UBE2K: variants seen among roughly 807,000 people sequenced by gnomAD.
UBE2K encodes the protein ubiquitin conjugating enzyme E2 K.
UBE2K carries 6 observed loss-of-function variants against 30.0 expected under a neutral mutation model. The ratio of observed to expected loss-of-function variants is 0.20; its 90% CI spans 0.11 to 0.39. UBE2K has a LOEUF of 0.39. Among genes scored for constraint, UBE2K ranks in the 10% least tolerant of loss-of-function variants. The probability of loss-of-function intolerance (pLI) is 1.00; values close to 1 mark genes in which losing one functional copy is unlikely to be tolerated. For synonymous variants in UBE2K, 86 were observed against 83.7 expected (o/e 1.03, Z -0.15); for missense variants, 61 against 241.6 (o/e 0.25, Z 4.96).
chr4:39,767,424 C>T (rs915455924), intron 4 of UBE2K, among the ~76,000 whole-genome samples: 5 of 151,806 alleles, frequency 3.3e-5, no homozygotes, highest in African/African-American at 9.7e-5. Context: ...CCCGGATTCA[C>T]GCCATTCTCC....
intron 1 of UBE2K, among the ~76,000 whole-genome samples, chr4:39,735,274 A>G (rs1470577173): frequency 6.6e-6 from 1 of 152,264 alleles, no homozygotes; most frequent in Non-Finnish European, 1.5e-5. Flanking sequence ...CAGTGGCACG[A>G]TCTTGGCTCA....
At chr4:39,771,018 C>T (rs1712774894) in intron 4 of UBE2K, 10 of 1,611,696 alleles carry the variant, frequency 6.2e-6, no homozygotes, top group African/African-American at 1.3e-5. Context: ...CAAGGCTAGC[C>T]TCACGGACCC....
intron 4 of UBE2K, among the ~76,000 whole-genome samples, chr4:39,762,934 CACTTTTTTTT>C (rs1712052533): frequency 1.7e-5 from 2 of 116,306 alleles, no homozygotes; most frequent in African/African-American, 5.8e-5. Context: ...GGCCAAAAAA[CACTTTTTTTT>C]TTTTTTTTTT....
In UBE2K at chr4:39,774,843, A is replaced by C; in HGVS notation, c.309A>C (p.Ala103=). The change falls in exon 5 of 7, where the codon GCA becomes GCC. Residue 103 remains alanine, a synonymous_variant. Coordinates refer to ENST00000261427, the MANE Select transcript of UBE2K (RefSeq NM_005339.5). ...LDILKDQWAA[A]MTLRTVLLSL... Reference sequence around the variant, plus strand: ...ATGTTTTGCATTTTAGGGCAGCTGCAATGACTCTCCGCACGGTATTATTGT... The same window carrying C: ...ATGTTTTGCATTTTAGGGCAGCTGCCATGACTCTCCGCACGGTATTATTGT... 6.6e-7 allele frequency: 1 copy of C among 1,513,196 alleles called. No individual in the cohort carries two copies. Among genetic ancestry groups the C allele is most frequent in the Non-Finnish European group, 8.9e-7 (1 of 1,117,886 alleles). 93.7% of individuals were successfully genotyped at this position (1,513,196 alleles called of 1,614,324 possible). A position where few individuals can be genotyped will look rare whatever the true frequency, so the allele number is the denominator to read the frequency against.
intron 4 of UBE2K, chr4:39,770,847 T>C: frequency 6.5e-7 from 1 of 1,540,414 alleles, no homozygotes; most frequent in Non-Finnish European, 8.7e-7. Flanking sequence ...ATCCTCATCC[T>C]CTTCCTCGGC....
chr4:39,763,451 A>G (rs1578493230), intron 4 of UBE2K, among the ~76,000 whole-genome samples: 1 of 151,842 alleles, frequency 6.6e-6, no homozygotes, highest in East Asian at 1.9e-4. Context: ...GGGTTTCTCC[A>G]TGTTGGTCAG....
intron 4 of UBE2K, among the ~76,000 whole-genome samples, chr4:39,763,963 C>G (rs1007462163): frequency 6.6e-6 from 1 of 152,144 alleles, no homozygotes. Flanking sequence ...AACTCCTGGG[C>G]TCAAGCGATC....
At chr4:39,700,592 G>A (rs954120532) in intron 1 of UBE2K, among the ~76,000 whole-genome samples, 8 of 152,144 alleles carry the variant, frequency 5.3e-5, no homozygotes, top group African/African-American at 1.7e-4. Flanking sequence ...TCAACTCATT[G>A]AAGACTTGTA....
chr4:39,721,430 T>C (rs1719412739), intron 1 of UBE2K, among the ~76,000 whole-genome samples: 1 of 152,180 alleles, frequency 6.6e-6, no homozygotes, highest in African/African-American at 2.4e-5. Context: ...CACAGCTCAC[T>C]GCGGCCTCAA....
In UBE2K at chr4:39,705,902, T is replaced by C. The variant is rs1316188455; in HGVS notation, c.63+7512T>C. 2.1e-5 allele frequency among the ~76,000 whole-genome samples: 3 copies of C among 144,748 alleles called. No homozygotes were observed. The East Asian group carries it at 6.5e-4, about 31-fold the overall frequency. The allele number at this position is 144,748 out of a possible 152,430, so 95.0% of individuals were successfully genotyped here. Reference sequence around the variant, plus strand: ...TCTCGCTTTGTCACCCAGGCTGGAGTGCAGTGGCGCGATCTCAGCTCACTG... The same window carrying C: ...TCTCGCTTTGTCACCCAGGCTGGAGCGCAGTGGCGCGATCTCAGCTCACTG... On this transcript the variant is annotated intron_variant, in intron 1 of 6. Transcript: ENST00000261427.
At chr4:39,763,027 C>T (rs140681399) in intron 4 of UBE2K, among the ~76,000 whole-genome samples, 6 of 149,458 alleles carry the variant, frequency 4.0e-5, no homozygotes, top group African/African-American at 7.4e-5. Flanking sequence ...CTCCACCTCC[C>T]GGGTTTAAGC....
chr4:39,714,551 T>TATATATATATA (rs1249612429), intron 1 of UBE2K: 2 of 28,462 alleles, frequency 7.0e-5, no homozygotes, highest in African/African-American at 2.0e-4. Context: ...TATATATATA[T>TATATATATATA]TTTTTTTTTT....
intron 1 of UBE2K, among the ~76,000 whole-genome samples, chr4:39,736,585 C>T (rs302949): frequency 0.83 from 125,644 of 152,258 alleles, 52,364 homozygotes; most frequent in African/African-American, 0.93. Flanking sequence ...CAGGCACTTA[C>T]GAATGTTAAT....
Position 39,698,193 on chromosome 4 carries a change from G to A in UBE2K, c.-135G>A, listed in dbSNP as rs987905507. 1.2e-6 allele frequency: 1 copy of A among 859,524 alleles called. No homozygotes were observed. Among genetic ancestry groups the A allele is most frequent in the Non-Finnish European group, 1.9e-6 (1 of 520,430 alleles). The allele number at this position is 859,524 out of a possible 1,614,324, so 53.2% of individuals were successfully genotyped here. On this transcript the variant is annotated 5_prime_UTR_variant, in exon 1 of 7. Transcript: ENST00000261427. ...CACACTGAGGCGAGCGCGGCGGCCG[G>A]GGTGGTAGTGGCAGTGTTCGTGTGC...
chr4:39,750,799 A>C (rs1217001010), intron 3 of UBE2K, among the ~76,000 whole-genome samples: 2 of 149,730 alleles, frequency 1.3e-5, no homozygotes, highest in Non-Finnish European at 3.0e-5. Context: ...AGGCTGGAGT[A>C]CAGTGGCATG....
At position 39,739,493 on chromosome 4, in the gene UBE2K, C is replaced by G. The variant is rs1340344999; in HGVS notation, c.157+1980C>G. ...ACAGAGTCTTGCTCTGTCTCTCACG[C>G]TGGAGTGCAGTGGTACGATCTTGGC... On this transcript the variant is annotated intron_variant, in intron 2 of 6. Transcript: ENST00000261427. Among the ~76,000 whole-genome samples the G allele has an allele frequency of 4.4e-5, 6 of 137,460 alleles. No homozygotes were observed. In the Admixed American group the frequency reaches 4.6e-4, roughly 11 times the overall value. The allele number at this position is 137,460 out of a possible 152,430, so 90.2% of individuals were successfully genotyped here.
At chr4:39,728,435 ACTGTACCT>A (rs1381915014) in intron 1 of UBE2K, among the ~76,000 whole-genome samples, 1 of 152,136 alleles carries the variant, frequency 6.6e-6, no homozygotes, top group Non-Finnish European at 1.5e-5. Context: ...TGATTGTACC[ACTGTACCT>A]CCTGTCTGGA....
In UBE2K at chr4:39,718,856, G is replaced by A. The variant is rs773118059; in HGVS notation, c.64-18564G>A. Among the ~76,000 whole-genome samples the A allele has an allele frequency of 3.3e-5, 5 of 152,248 alleles. No individual in the cohort carries two copies. In the South Asian group the frequency reaches 6.2e-4, roughly 19 times the overall value. ...TCTAGCTGGCCTGCAAACGCCGTGC[G>A]CAGCCCCGGTTCCCACCCGTGCCTC... is the stretch of plus-strand genomic sequence containing the variant. On this transcript the variant is annotated intron_variant, in intron 1 of 6. Coordinates refer to ENST00000261427, the MANE Select transcript of UBE2K (RefSeq NM_005339.5).
At chr4:39,751,322 C>T (rs1347816875) in intron 3 of UBE2K, among the ~76,000 whole-genome samples, 1 of 152,112 alleles carries the variant, frequency 6.6e-6, no homozygotes, top group African/African-American at 2.4e-5. Flanking sequence ...TGGGTCTTGG[C>T]TTTTTTCCTA....
Sources: gnomAD v4.1 joint callset for allele counts (sites outside exome capture counted in the v4.1 genomes callset) on GRCh38, gnomAD v4.1.1 for gene constraint, MANE v1.5 for transcripts, NCBI Gene and HGNC (gene_info 2026-07-23, HGNC 2026-07-21) for gene names.